The following NAALADL2 variants were observed in gnomAD, a reference collection of about 807,000 sequenced individuals.
NAALADL2 encodes the protein N-acetylated alpha-linked acidic dipeptidase like 2.
A neutral mutation model predicts 87.2 loss-of-function variants in NAALADL2; 76 were observed. The observed-to-expected ratio is 0.87, with a 90% CI of 0.72 to 1.05. The LOEUF is 1.05. NAALADL2 is among the 50% of genes least tolerant of loss of function. The pLI is 0.00. For synonymous variants in NAALADL2, 354 were observed against 331.0 expected (o/e 1.07, Z -0.75); for missense variants, 1,089 against 945.8 (o/e 1.15, Z -1.99).
At chr3:174,988,175 G>C (rs1285514868) in intron 1 of NAALADL2, among the ~76,000 whole-genome samples, 5 of 152,114 alleles carry the variant, frequency 3.3e-5, no homozygotes, top group Admixed American at 3.3e-4. Flanking sequence ...AGAACTCTGA[G>C]CTAGAAGGAG....
intron 3 of NAALADL2, among the ~76,000 whole-genome samples, chr3:174,738,335 T>C (rs1733410507): frequency 6.6e-6 from 1 of 152,176 alleles, no homozygotes; most frequent in Non-Finnish European, 1.5e-5. Flanking sequence ...AGCTGAGACA[T>C]TTGAGCAGAG....
chr3:175,242,652 A>T (rs1312122156), intron 3 of NAALADL2, among the ~76,000 whole-genome samples: 1 of 152,240 alleles, frequency 6.6e-6, no homozygotes, highest in African/African-American at 2.4e-5. Context: ...CTAAAAGATT[A>T]ACTGACTAAT....
intron 10 of NAALADL2, among the ~76,000 whole-genome samples, chr3:175,617,365 T>C (rs1174973518): frequency 6.6e-6 from 1 of 152,092 alleles, no homozygotes; most frequent in Non-Finnish European, 1.5e-5. Context: ...TGCTGGACCA[T>C]TTGAAAGACT....
intron 9 of NAALADL2, among the ~76,000 whole-genome samples, chr3:175,554,171 A>G (rs1375664767): frequency 2.0e-5 from 3 of 152,000 alleles, no homozygotes; most frequent in Admixed American, 6.6e-5. Context: ...TAAGTGGAGG[A>G]TGTTAGAGGG....
chr3:174,798,014 T>C (rs1313705170), intron 3 of NAALADL2, among the ~76,000 whole-genome samples: 1 of 144,320 alleles, frequency 6.9e-6, no homozygotes, highest in Non-Finnish European at 1.5e-5. Context: ...CTGTGATCTA[T>C]AATCAGTTAG....
At chr3:175,139,011 G>GT (rs1312986826) in intron 2 of NAALADL2, among the ~76,000 whole-genome samples, 2 of 147,878 alleles carry the variant, frequency 1.4e-5, no homozygotes, top group Non-Finnish European at 3.0e-5. Context: ...TTTTAAATGT[G>GT]TTTTTTTGAA....
intron 2 of NAALADL2, among the ~76,000 whole-genome samples, chr3:175,160,282 G>C (rs16824365): frequency 0.14 from 21,688 of 150,116 alleles, 2,053 homozygotes; most frequent in African/African-American, 0.26. Flanking sequence ...TTTTACAAGG[G>C]GCTAAATATA....
chr3:174,996,345 A>T (rs902225586), intron 1 of NAALADL2, among the ~76,000 whole-genome samples: 1 of 151,878 alleles, frequency 6.6e-6, no homozygotes, highest in African/African-American at 2.4e-5. Flanking sequence ...AAAATAAAAA[A>T]AATTAGCTGG....
intron 2 of NAALADL2, among the ~76,000 whole-genome samples, chr3:174,681,734 C>T (rs568896785): frequency 7.6e-4 from 116 of 152,276 alleles, no homozygotes; most frequent in African/African-American, 2.6e-3. Context: ...TTGGTGGCTA[C>T]AGGGAGAGAC....
At chr3:175,543,707 C>T (rs1030336734) in intron 9 of NAALADL2, among the ~76,000 whole-genome samples, 1 of 152,180 alleles carries the variant, frequency 6.6e-6, no homozygotes, top group Non-Finnish European at 1.5e-5. Flanking sequence ...TACCTCCCAC[C>T]AGGTCCCTCC....
At chr3:175,732,047 A>G (rs969895328) in intron 11 of NAALADL2, among the ~76,000 whole-genome samples, 6 of 152,142 alleles carry the variant, frequency 3.9e-5, no homozygotes, top group Non-Finnish European at 7.3e-5. Context: ...GTGAGGTGGA[A>G]TTGAAGGATA....
chr3:175,431,080 A>C (rs548484951), intron 5 of NAALADL2, among the ~76,000 whole-genome samples: 1 of 152,074 alleles, frequency 6.6e-6, no homozygotes, highest in South Asian at 2.1e-4. Context: ...CTTTAACAGC[A>C]CACTTTCTAA....
At chr3:174,974,277 G>T (rs116599552) in intron 1 of NAALADL2, among the ~76,000 whole-genome samples, 5,139 of 152,214 alleles carry the variant, frequency 0.034, 291 homozygotes, top group African/African-American at 0.12. Flanking sequence ...ACCCTTTAGT[G>T]GTGTGCTGTA....
chr3:175,316,048 T>C (rs1759100245), intron 4 of NAALADL2, among the ~76,000 whole-genome samples: 1 of 152,194 alleles, frequency 6.6e-6, no homozygotes, highest in Non-Finnish European at 1.5e-5. Context: ...AAAGGATCTT[T>C]GGGAACAATA....
chr3:174,650,057 G>A (rs149857914), intron 2 of NAALADL2, among the ~76,000 whole-genome samples: 5 of 151,130 alleles, frequency 3.3e-5, no homozygotes, highest in African/African-American at 1.2e-4. Flanking sequence ...GATAATAATA[G>A]CTATGATAAC....
chr3:174,666,223 A>AG (rs1201177612), intron 2 of NAALADL2, among the ~76,000 whole-genome samples: 1 of 152,238 alleles, frequency 6.6e-6, no homozygotes. Context: ...AGTCAAAAAT[A>AG]GATTTTGATA....
At chr3:175,034,101 A>G (rs950727200) in intron 1 of NAALADL2, among the ~76,000 whole-genome samples, 3 of 152,134 alleles carry the variant, frequency 2.0e-5, no homozygotes, top group Admixed American at 1.3e-4. Context: ...TGTATAATCC[A>G]TGAGAAAATC....
At chr3:174,713,356 C>G (rs1451892725) in intron 2 of NAALADL2, among the ~76,000 whole-genome samples, 2 of 152,144 alleles carry the variant, frequency 1.3e-5, no homozygotes, top group Non-Finnish European at 2.9e-5. Flanking sequence ...ATTTCTAGTT[C>G]TAGATCCCTG....
intron 1 of NAALADL2, among the ~76,000 whole-genome samples, chr3:175,023,609 T>C (rs1751846780): frequency 6.6e-6 from 1 of 152,076 alleles, no homozygotes; most frequent in Non-Finnish European, 1.5e-5. Flanking sequence ...AACCTTACCA[T>C]ACAGAGATAC....
Sources: gnomAD v4.1 joint callset for allele counts (sites outside exome capture counted in the v4.1 genomes callset) on GRCh38, gnomAD v4.1.1 for gene constraint, MANE v1.5 for transcripts, NCBI Gene and HGNC (gene_info 2026-07-23, HGNC 2026-07-21) for gene names.